Variants in HEXA observed in about 807,000 individuals in gnomAD.
The protein encoded by HEXA is hexosaminidase subunit alpha.
A neutral mutation model predicts 73.3 loss-of-function variants in HEXA; 54 were observed. That is an observed-to-expected ratio of 0.74 (90% CI 0.59 to 0.92). The LOEUF (loss-of-function observed/expected upper bound fraction) is 0.92. HEXA is among the 40% of genes least tolerant of loss of function. The probability of loss-of-function intolerance (pLI) is 0.00; values close to 1 mark genes in which losing one functional copy is unlikely to be tolerated. For synonymous variants in HEXA, 230 were observed against 246.9 expected, an observed-to-expected ratio of 0.93 and a Z score of 0.64; for missense variants, 649 against 653.0, an observed-to-expected ratio of 0.99 and a Z score of 0.07.
At chr15:72,345,022 A>C (rs2088591327) in intron 13 of HEXA, among the ~76,000 whole-genome samples, 1 of 152,222 alleles carries the variant, frequency 6.6e-6, no homozygotes, top group South Asian at 2.1e-4. Flanking sequence ...TAACAAACTT[A>C]GCACAGTGTT....
chr15:72,355,371 C>A (rs1006661461), intron 3 of HEXA, 188 bp downstream of exon 3: 2 of 631,694 alleles, frequency 3.2e-6, no homozygotes, highest in Non-Finnish European at 2.9e-6. Flanking sequence ...ACTAAAAATA[C>A]AAGAATTAGC....
At chr15:72,345,253 T>C in intron 13 of HEXA, 193 bp downstream of exon 13, 2 of 1,057,210 alleles carry the variant, frequency 1.9e-6, no homozygotes, top group Non-Finnish European at 2.7e-6. Context: ...TATTTTTTAT[T>C]TGTACCATTT....
At chr15:72,355,353 C>A in intron 3 of HEXA, 1 of 596,652 alleles carries the variant, frequency 1.7e-6, no homozygotes, top group Non-Finnish European at 3.1e-6. Flanking sequence ...TGGTGAAATC[C>A]CATCTCTACT....
rs1176274141 is a variant in HEXA, at chr15:72,350,506, C to A, written c.805+12G>T. On this transcript the variant is annotated intron_variant, in intron 7 of 13. Transcript: ENST00000268097. ...CAAGCAGAGTCCCTCTGGTCCCAGA[C>A]ATCATTCTTACCTGGTCCCCAGGAC... The A allele has an allele frequency of 3.1e-6, 5 of 1,613,728 alleles. No individual in the cohort carries two copies. The African/African-American group carries it at 6.7e-5, about 22-fold the overall frequency.
intron 1 of HEXA, 98 bp from the exon 2 acceptor site, chr15:72,356,715 G>A: frequency 6.4e-7 from 1 of 1,564,406 alleles, no homozygotes; most frequent in Non-Finnish European, 8.7e-7. Context: ...ACACGCCTGT[G>A]GTAAAGGAAA....
intron 1 of HEXA, among the ~76,000 whole-genome samples, chr15:72,371,834 T>C (rs1433684988): frequency 6.6e-6 from 1 of 152,160 alleles, no homozygotes; most frequent in Non-Finnish European, 1.5e-5. Context: ...AATCAAATAC[T>C]GATAATGGCT....
chr15:72,367,571 T>C (rs1261722588), intron 1 of HEXA, among the ~76,000 whole-genome samples: 3 of 152,234 alleles, frequency 2.0e-5, no homozygotes, highest in African/African-American at 7.2e-5. Context: ...AGCTAGAGTT[T>C]AGTCACATCA....
At chr15:72,370,709 G>GAAAAAAAA (rs1555474915) in intron 1 of HEXA, 8 of 96,476 alleles carry the variant, frequency 8.3e-5, no homozygotes, top group South Asian at 7.1e-4. Context: ...AAAAAAAAAA[G>GAAAAAAAA]AAAGAAAAGA....
chr15:72,353,847 A>G, intron 3 of HEXA, 110 bp from the exon 4 acceptor site: 1 of 828,444 alleles, frequency 1.2e-6, no homozygotes, highest in Non-Finnish European at 2.1e-6. Context: ...ACACAGGGAA[A>G]ATGGATGTAG....
At position 72,353,058 on chromosome 15, in the gene HEXA, G is replaced by A. The variant is rs1453635996; in HGVS notation, c.570+10C>T. ...TCTTAAGTGTGAAGAAGGCCTTAAG[G>A]CCTGGTTACCAGAGTGTCCAGGATG... On this transcript the variant is annotated intron_variant, in intron 5 of 13. Coordinates refer to ENST00000268097, the MANE Select transcript of HEXA (RefSeq NM_000520.6). 1 of 1,529,774 alleles carries A rather than the reference G, an allele frequency of 6.5e-7. No individual in the cohort carries two copies. The highest frequency in any genetic ancestry group is 9.1e-7 in the Non-Finnish European group (1 of 1,103,078). 94.8% of individuals were successfully genotyped at this position (1,529,774 alleles called of 1,614,324 possible).
chr15:72,351,110 G>C (rs781039189), intron 6 of HEXA, 23 bp downstream of exon 6: 1 of 1,451,804 alleles, frequency 6.9e-7, no homozygotes, highest in Non-Finnish European at 9.7e-7. Flanking sequence ...CATAAACTTG[G>C]TCTGAGTGAA....
chr15:72,356,643 C>G lies in HEXA; in HGVS notation c.254-26G>C, dbSNP rs749088123. Reference sequence around the variant, plus strand: ...CTAGGAAGACAGGGTAAGCTTGGTGCGGCCAACCTGCCATTAGAAGCAACA... The same window carrying G: ...CTAGGAAGACAGGGTAAGCTTGGTGGGGCCAACCTGCCATTAGAAGCAACA... On this transcript the variant is annotated intron_variant, in intron 1 of 13. Transcript: ENST00000268097. 21 of 1,613,026 alleles carry G rather than the reference C, an allele frequency of 1.3e-5. 1 individual carries two copies. The South Asian group carries it at 2.3e-4, about 18-fold the overall frequency.
intron 8 of HEXA, 98 bp downstream of exon 8, chr15:72,348,979 CCT>C (rs1416005461): frequency 5.3e-6 from 5 of 951,034 alleles, no homozygotes; most frequent in East Asian, 2.4e-5. Flanking sequence ...CATACAGACC[CCT>C]GAGAGCAGCA....
At chr15:72,353,839 A>G in intron 3 of HEXA, 102 bp from the exon 4 acceptor site, 1 of 885,774 alleles carries the variant, frequency 1.1e-6, no homozygotes, top group Non-Finnish European at 1.9e-6. Flanking sequence ...ATTTGGGTAC[A>G]CAGGGAAAAT....
At chr15:72,375,598 T>A (rs1374733779) in intron 1 of HEXA, 122 bp downstream of exon 1, 28 of 1,028,666 alleles carry the variant, frequency 2.7e-5, no homozygotes, top group Non-Finnish European at 3.9e-5. Context: ...GAGGAGGAAG[T>A]GGAGTGCCTG....
intron 1 of HEXA, among the ~76,000 whole-genome samples, chr15:72,362,896 A>G (rs2088868989): frequency 6.6e-6 from 1 of 152,210 alleles, no homozygotes. Flanking sequence ...CACTATGGAA[A>G]AAAAACACAT....
At chr15:72,359,718 A>AC (rs2088828761) in intron 1 of HEXA, 1 of 150,072 alleles carries the variant, frequency 6.7e-6, no homozygotes, top group African/African-American at 2.4e-5. Flanking sequence ...AAAAAAAAAA[A>AC]AGAGTAGTAC....
intron 3 of HEXA, 132 bp from the exon 4 acceptor site, chr15:72,353,869 C>A (rs781615695): frequency 2.7e-6 from 2 of 732,902 alleles, no homozygotes; most frequent in Non-Finnish European, 5.1e-6. Context: ...GTAGGCTTGA[C>A]GATTTTTAAC....
intron 12 of HEXA, chr15:72,345,780 A>G: frequency 1.6e-6 from 1 of 614,940 alleles, no homozygotes; most frequent in Non-Finnish European, 2.9e-6. Context: ...TTCCTCTCTC[A>G]AAGATATGGG....
Sources: gnomAD v4.1 joint callset for allele counts (sites outside exome capture counted in the v4.1 genomes callset) on GRCh38, gnomAD v4.1.1 for gene constraint, MANE v1.5 for transcripts, NCBI Gene and HGNC (gene_info 2026-07-23, HGNC 2026-07-21) for gene names.